The following CPN2 variants were observed in gnomAD, a reference collection of about 807,000 sequenced individuals.
The protein encoded by CPN2 is carboxypeptidase N 83 kDa chain.
For missense variants in CPN2, 620 were observed against 671.4 expected, an observed-to-expected ratio of 0.92 and a Z score of 0.85; for synonymous variants, 336 against 318.4, an observed-to-expected ratio of 1.06 and a Z score of -0.59.
Position 194,341,357 on chromosome 3 carries a change from C to G in CPN2, c.1346G>C (p.Arg449Pro). ...NEKQLVCPVT[R>P]DHLGFQVTWP... is the part of the protein sequence containing the mutation. ...CGTGACCTGGAAGCCCAAGTGGTCCCGGGTGACGGGACACACCAGCTGCTT... is the reference window on the plus strand; with the variant it reads ...CGTGACCTGGAAGCCCAAGTGGTCCGGGGTGACGGGACACACCAGCTGCTT... Residue 449 changes from arginine (R) to proline (P), a missense_variant, in exon 2 of 2, where the codon CGG (arginine) becomes CCG (proline). Transcript: ENST00000323830. 1 of 1,613,986 alleles carries G rather than the reference C, an allele frequency of 6.2e-7. No individual in the cohort carries two copies. The highest frequency in any genetic ancestry group is 8.5e-7 in the Non-Finnish European group (1 of 1,180,040).
rs367856830 is a variant in CPN2 at position 194,341,827 on chromosome 3, A to G, written c.876T>C (p.Val292=). The stretch of plus-strand genomic sequence containing the variant: ...GCTGGTTATGGGTCAGAGACAGGCC[A>G]ACCAGGCACGGGGTGTGGGCAAAGA... ...AGLFAHTPCL[V]GLSLTHNQLE... is the part of the protein sequence containing the mutation. The change falls in exon 2 of 2, where the codon GTT becomes GTC. Residue 292 remains valine (V), a synonymous_variant. Coordinates refer to ENST00000323830, the MANE Select transcript of CPN2 (RefSeq NM_001080513.4). The G allele has an allele frequency of 7.4e-6, 12 of 1,613,810 alleles. No homozygotes were observed. Among genetic ancestry groups the G allele is most frequent in the Non-Finnish European group, 8.5e-6 (10 of 1,179,834 alleles).
chr3:194,343,671 C>T (rs553279637), intron 1 of CPN2, among the ~76,000 whole-genome samples: 339 of 152,324 alleles, frequency 2.2e-3, no homozygotes, highest in African/African-American at 7.6e-3. Flanking sequence ...TTTCTAGCTA[C>T]GTGACCTTGG....
Position 194,341,903 on chromosome 3 carries a change from A to C in CPN2, c.800T>G (p.Leu267Arg), listed in dbSNP as rs1322314191. ...GTTCCACTGCAAGCTCAGAAAGGTCAGATTACCCAGGGAGGCAAAGATGGA... is the reference window on the plus strand; with the variant it reads ...GTTCCACTGCAAGCTCAGAAAGGTCCGATTACCCAGGGAGGCAAAGATGGA... ...PLSIFASLGN[L>R]TFLSLQWNML... The change falls in exon 2 of 2, where the codon CTG (leucine) becomes CGG (arginine). Residue 267 changes from leucine (L) to arginine (R), a missense_variant. Leu to Arg is a moderately radical substitution (Grantham distance 102). Transcript: ENST00000323830. The C allele has an allele frequency of 1.9e-6, 3 of 1,614,208 alleles. No homozygotes were observed.
intron 1 of CPN2, among the ~76,000 whole-genome samples, chr3:194,346,272 G>A (rs763744168): frequency 6.6e-6 from 1 of 152,208 alleles, no homozygotes; most frequent in Admixed American, 6.5e-5. Context: ...CACGGAGGCC[G>A]GGGTCCTGGG....
chr3:194,343,581 C>T (rs1712942861), intron 1 of CPN2, among the ~76,000 whole-genome samples: 2 of 152,230 alleles, frequency 1.3e-5, no homozygotes, highest in Non-Finnish European at 2.9e-5. Flanking sequence ...CTCCAGGCCG[C>T]CACTGTTCCC....
At position 194,342,303 on chromosome 3, in the gene CPN2, C is replaced by T. The variant is rs1466248478; in HGVS notation, c.400G>A (p.Glu134Lys). The T allele has an allele frequency of 1.2e-6, 2 of 1,613,766 alleles. No homozygotes were observed. The highest frequency in any genetic ancestry group is 1.6e-4 in the Middle Eastern group (1 of 6,082). The change falls in exon 2 of 2, where the codon GAG becomes AAG. Residue 134 changes from glutamate (E) to lysine (K), a missense_variant. By Grantham distance (56) the Glu-to-Lys change is moderately conservative. Coordinates refer to ENST00000323830, the MANE Select transcript of CPN2 (RefSeq NM_001080513.4). ...GKLTLNFNML[E>K]ALPEGLFQHL... ...TGGAAAAGACCCTCGGGCAGAGCCTCCAGCATGTTGAAGTTGAGGGTGAGC... is the reference window on the plus strand; with the variant it reads ...TGGAAAAGACCCTCGGGCAGAGCCTTCAGCATGTTGAAGTTGAGGGTGAGC...
chr3:194,349,649 A>C (rs554686915), intron 1 of CPN2, among the ~76,000 whole-genome samples: 1 of 152,216 alleles, frequency 6.6e-6, no homozygotes, highest in African/African-American at 2.4e-5. Context: ...CTGGAAGAGA[A>C]GACAGCTGAC....
intron 1 of CPN2, among the ~76,000 whole-genome samples, chr3:194,345,202 T>G (rs1469064619): frequency 6.6e-6 from 1 of 151,404 alleles, no homozygotes; most frequent in Non-Finnish European, 1.5e-5. Context: ...TCTCCAAGGC[T>G]GGGAAGAGCA....
At position 194,342,302 on chromosome 3, in the gene CPN2, T is replaced by A. The variant is rs772825011; in HGVS notation, c.401A>T (p.Glu134Val). 1.9e-6 allele frequency: 3 copies of A among 1,613,706 alleles called. No homozygotes were observed. Among genetic ancestry groups the A allele is most frequent in the South Asian group, 2.2e-5 (2 of 91,060 alleles). The change falls in exon 2 of 2, where the codon GAG becomes GTG. Residue 134 changes from glutamate to valine, a missense_variant. Glu to Val is a moderately radical substitution (Grantham distance 121). Transcript: ENST00000323830. ...CTGGAAAAGACCCTCGGGCAGAGCCTCCAGCATGTTGAAGTTGAGGGTGAG... is the reference window on the plus strand; with the variant it reads ...CTGGAAAAGACCCTCGGGCAGAGCCACCAGCATGTTGAAGTTGAGGGTGAG... ...GKLTLNFNML[E>V]ALPEGLFQHL...
At chr3:194,349,669 T>G (rs1049851410) in intron 1 of CPN2, among the ~76,000 whole-genome samples, 2 of 151,178 alleles carry the variant, frequency 1.3e-5, no homozygotes, top group Admixed American at 1.3e-4. Flanking sequence ...CAGGTTGAAC[T>G]AAGAGGCCGT....
rs1712804167 is a variant in CPN2, at chr3:194,341,283, C to T, written c.1420G>A (p.Glu474Lys). 1 of 1,613,544 alleles carries T rather than the reference C, an allele frequency of 6.2e-7. No individual in the cohort carries two copies. Among genetic ancestry groups the T allele is most frequent in the African/African-American group, 1.3e-5 (1 of 75,080 alleles). Residue 474 changes from glutamate to lysine, a missense_variant, in exon 2 of 2, where the codon GAA becomes AAA. Physicochemically the swap from Glu to Lys is moderately conservative, Grantham distance 56. Coordinates refer to ENST00000323830, the MANE Select transcript of CPN2 (RefSeq NM_001080513.4). ...GTGCACTGGCTCCGGGCTGCCCTTT[C>T]CTGCACAGCCAGATCCCAGCTGCCC... Reference protein sequence around the residue: ...AGGSWDLAVQERAARSQCTYS... With the variant: ...AGGSWDLAVQKRAARSQCTYS...
chr3:194,346,843 A>G (rs745598155), intron 1 of CPN2, among the ~76,000 whole-genome samples: 42 of 152,178 alleles, frequency 2.8e-4, no homozygotes, highest in Non-Finnish European at 5.7e-4. Context: ...AACCCATGAG[A>G]TCATCCAACC....
chr3:194,351,001 T>C (rs1322050188), intron 1 of CPN2, among the ~76,000 whole-genome samples: 2 of 152,186 alleles, frequency 1.3e-5, no homozygotes, highest in African/African-American at 2.4e-5. Context: ...ACTACCAGCC[T>C]TGTAGGCCAG....
At chr3:194,344,591 A>G (rs1712983276) in intron 1 of CPN2, among the ~76,000 whole-genome samples, 1 of 152,218 alleles carries the variant, frequency 6.6e-6, no homozygotes, top group East Asian at 1.9e-4. Flanking sequence ...GCTACTCGGG[A>G]GGCTGAGGCA....
chr3:194,346,784 A>T (rs748128444), intron 1 of CPN2, among the ~76,000 whole-genome samples: 4 of 152,250 alleles, frequency 2.6e-5, no homozygotes, highest in Non-Finnish European at 5.9e-5. Context: ...TCTTCCGAGC[A>T]GTGCAGCCCC....
At chr3:194,347,258 C>T (rs1449012493) in intron 1 of CPN2, among the ~76,000 whole-genome samples, 1 of 151,758 alleles carries the variant, frequency 6.6e-6, no homozygotes, top group Non-Finnish European at 1.5e-5. Flanking sequence ...TCCTTCCTCT[C>T]CTCACATTGC....
chr3:194,342,621 A>G lies in CPN2; in HGVS notation c.82T>C (p.Cys28Arg). The stretch of plus-strand genomic sequence containing the variant: ...GAGCAGAACACCTCCTGGACGAAGC[A>G]GTCACAACCCATGGGACAGGGCTGG... ...PAQPCPMGCD[C>R]FVQEVFCSDE... The change falls in exon 2 of 2, where the codon TGC becomes CGC. Residue 28 changes from cysteine to arginine, a missense_variant. By Grantham distance (180) the Cys-to-Arg change is radical. Transcript: ENST00000323830. 1 of 1,613,820 alleles carries G rather than the reference A, an allele frequency of 6.2e-7. No homozygotes were observed. Among genetic ancestry groups the G allele is most frequent in the East Asian group, 2.2e-5 (1 of 44,844 alleles).
intron 1 of CPN2, among the ~76,000 whole-genome samples, chr3:194,349,221 C>T (rs573110962): frequency 5.3e-5 from 8 of 152,122 alleles, no homozygotes; most frequent in East Asian, 1.9e-4. Flanking sequence ...ATTAGCTGGG[C>T]GTGGTGGTGT....
rs566551115 is a variant in CPN2 at position 194,344,945 on chromosome 3, C to T, written c.-3-2240G>A. On this transcript the variant is annotated intron_variant, in intron 1 of 1. Coordinates refer to ENST00000323830, the MANE Select transcript of CPN2 (RefSeq NM_001080513.4). ...CCACTGTCCCCCAACACACACCACA[C>T]ACACACACAGCTGCCACTAGCACCT... is the stretch of plus-strand genomic sequence containing the variant. Among the ~76,000 whole-genome samples the T allele has an allele frequency of 2.6e-5, 4 of 152,246 alleles. No individual in the cohort carries two copies. The East Asian group carries it at 7.7e-4, about 29-fold the overall frequency.
Sources: gnomAD v4.1 joint callset for allele counts (sites outside exome capture counted in the v4.1 genomes callset) on GRCh38, gnomAD v4.1.1 for gene constraint, MANE v1.5 for transcripts, NCBI Gene and HGNC (gene_info 2026-07-23, HGNC 2026-07-21) for gene names.